SLC7A6OS: variants seen among roughly 807,000 people sequenced by gnomAD.
The protein encoded by SLC7A6OS is probable RNA polymerase II nuclear localization protein SLC7A6OS.
SLC7A6OS carries 22 observed loss-of-function variants against 34.3 expected under a neutral mutation model. That is an observed-to-expected ratio of 0.64 (90% CI 0.46 to 0.92). SLC7A6OS has a LOEUF of 0.92. Ranked by LOEUF, SLC7A6OS falls within the 40% of genes least tolerant of loss-of-function variation. The pLI, the probability that SLC7A6OS is intolerant of heterozygous loss-of-function variation, is 0.00. For synonymous variants in SLC7A6OS, 199 were observed against 165.0 expected (o/e 1.21, Z -1.58); for missense variants, 434 against 407.7 (o/e 1.06, Z -0.56).
chr16:68,304,270 C>T, intron 2 of SLC7A6OS, 38 bp from the exon 3 acceptor site: 3 of 1,567,684 alleles, frequency 1.9e-6, no homozygotes, highest in Non-Finnish European at 2.6e-6. Flanking sequence ...CACGCATGAC[C>T]CAAAACATGA....
At position 68,303,360 on chromosome 16, in the gene SLC7A6OS, C is replaced by T. The variant is rs117561539; in HGVS notation, c.678+666G>A. ...GGAGGCCAAGGTGGATCACTTGAGC[C>T]CAGGAGTTCAAGACCATAAGACCAG... is the stretch of plus-strand genomic sequence containing the variant. On this transcript the variant is annotated intron_variant, in intron 3 of 4. Transcript: ENST00000263997. Among the ~76,000 whole-genome samples, 8 of 151,690 alleles carry T rather than the reference C, an allele frequency of 5.3e-5. No homozygotes were observed. The East Asian group carries it at 1.4e-3, about 26-fold the overall frequency.
At chr16:68,304,298 C>A (rs1472283086) in intron 2 of SLC7A6OS, 66 bp from the exon 3 acceptor site, 1 of 1,451,956 alleles carries the variant, frequency 6.9e-7, no homozygotes, top group Non-Finnish European at 9.7e-7. Flanking sequence ...AGAGGAGGAA[C>A]CTATGAGTTG....
Position 68,300,925 on chromosome 16 carries a change from T to C in SLC7A6OS, c.*350A>G. ...CAGCAGAAGCTTACTGCTAATGAAATGGGAACCTCCCCCTCCCTTGTGGTT... is the reference window on the plus strand; with the variant it reads ...CAGCAGAAGCTTACTGCTAATGAAACGGGAACCTCCCCCTCCCTTGTGGTT... On this transcript the variant is annotated 3_prime_UTR_variant, in exon 5 of 5. Coordinates refer to ENST00000263997, the MANE Select transcript of SLC7A6OS (RefSeq NM_032178.3). 1.0e-6 allele frequency: 1 copy of C among 1,002,222 alleles called. No individual in the cohort carries two copies. The highest frequency in any genetic ancestry group is 1.2e-6 in the Non-Finnish European group (1 of 840,956). 62.1% of individuals were successfully genotyped at this position (1,002,222 alleles called of 1,614,324 possible).
chr16:68,301,026 C>T lies in SLC7A6OS; in HGVS notation c.*249G>A, dbSNP rs995650177. The T allele has an allele frequency of 5.2e-6, 6 of 1,151,800 alleles. No homozygotes were observed. The highest frequency in any genetic ancestry group is 3.5e-4 in the Middle Eastern group (1 of 2,848). The allele number at this position is 1,151,800 out of a possible 1,614,324, so 71.3% of individuals were successfully genotyped here. ...GCTAAAGAAACCTTCCTTTTTTCAACGTTTTTTTTTCTTTCAAACTGTAGG... is the reference window on the plus strand; with the variant it reads ...GCTAAAGAAACCTTCCTTTTTTCAATGTTTTTTTTTCTTTCAAACTGTAGG... On this transcript the variant is annotated 3_prime_UTR_variant, in exon 5 of 5. Transcript: ENST00000263997.
intron 2 of SLC7A6OS, among the ~76,000 whole-genome samples, chr16:68,308,087 A>G (rs1192477824): frequency 1.3e-5 from 2 of 151,982 alleles, no homozygotes; most frequent in Non-Finnish European, 2.9e-5. Context: ...TTTTTAGTAG[A>G]AATGGGGTTT....
chr16:68,304,823 G>A (rs1300298438), intron 2 of SLC7A6OS, among the ~76,000 whole-genome samples: 2 of 152,148 alleles, frequency 1.3e-5, no homozygotes, highest in African/African-American at 2.4e-5. Flanking sequence ...AGCCAAGGTG[G>A]ACAGCTTGCT....
In SLC7A6OS at chr16:68,298,538, G is replaced by A. The variant is rs1382201967; in HGVS notation, c.*2737C>T. 1 of 152,324 alleles carries A rather than the reference G, an allele frequency of 6.6e-6. No homozygotes were observed. The highest frequency in any genetic ancestry group is 2.4e-5 in the African/African-American group (1 of 41,468). 9.4% of individuals were successfully genotyped at this position (152,324 alleles called of 1,614,324 possible). On this transcript the variant is annotated 3_prime_UTR_variant, in exon 5 of 5. Coordinates refer to ENST00000263997, the MANE Select transcript of SLC7A6OS (RefSeq NM_032178.3). ...CCTTGGTGTGGGTCACCGGGACAGT[G>A]TACTCCTCTCCTGCCAGCCTCCCCT... is the stretch of plus-strand genomic sequence containing the variant.
intron 2 of SLC7A6OS, among the ~76,000 whole-genome samples, chr16:68,309,158 G>A (rs1326217850): frequency 6.6e-6 from 1 of 151,334 alleles, no homozygotes; most frequent in African/African-American, 2.4e-5. Context: ...GCAGTGACTT[G>A]ATCACAGCTC....
chr16:68,310,174 T>C (rs577172303), intron 2 of SLC7A6OS, among the ~76,000 whole-genome samples, 161 bp downstream of exon 2: 2 of 152,180 alleles, frequency 1.3e-5, no homozygotes, highest in Non-Finnish European at 2.9e-5. Context: ...CGTAGGCACG[T>C]AGTAAACACA....
chr16:68,302,606 C>T, intron 3 of SLC7A6OS, 105 bp from the exon 4 acceptor site: 1 of 1,426,032 alleles, frequency 7.0e-7, no homozygotes, highest in Non-Finnish European at 9.7e-7. Context: ...GTAAAAGTGC[C>T]CTGTGAAAAA....
Position 68,299,073 on chromosome 16 carries a change from CT to C in SLC7A6OS, c.*2201del, listed in dbSNP as rs1438591465. The stretch of plus-strand genomic sequence containing the variant: ...TGTGAAGCATGGGGTGACATTCCTA[CT>C]GTCATGGGTTTGGGATTTGTAACGG... On this transcript the variant is annotated 3_prime_UTR_variant, in exon 5 of 5. Coordinates refer to ENST00000263997, the MANE Select transcript of SLC7A6OS (RefSeq NM_032178.3). 6.6e-6 allele frequency: 1 copy of C among 152,638 alleles called. No individual in the cohort carries two copies. Among genetic ancestry groups the C allele is most frequent in the Non-Finnish European group, 1.5e-5 (1 of 68,052 alleles). 9.5% of individuals were successfully genotyped at this position (152,638 alleles called of 1,614,324 possible). A position where few individuals can be genotyped will look rare whatever the true frequency, so the allele number is the denominator to read the frequency against.
intron 2 of SLC7A6OS, among the ~76,000 whole-genome samples, chr16:68,304,467 C>T (rs141383080): frequency 0.06 from 9,190 of 152,084 alleles, 361 homozygotes; most frequent in Middle Eastern, 0.14. Context: ...ACTACAGGTG[C>T]GTGCCACCAT....
At chr16:68,308,926 C>T (rs1186213092) in intron 2 of SLC7A6OS, among the ~76,000 whole-genome samples, 1 of 151,840 alleles carries the variant, frequency 6.6e-6, no homozygotes, top group Non-Finnish European at 1.5e-5. Flanking sequence ...GTGGCTCACG[C>T]TTGTAATCCC....
rs1161627721 is a variant in SLC7A6OS at position 68,302,512 on chromosome 16, C to CA, written c.679-12dup. 1.2e-6 allele frequency: 2 copies of CA among 1,614,120 alleles called. No homozygotes were observed. Among genetic ancestry groups the CA allele is most frequent in the South Asian group, 2.2e-5 (2 of 91,078 alleles). ...TTGATCATCATTCACCTACACATCTCAACACAAACATGAGTCCAAGTCAAA... is the reference window on the plus strand; with the variant it reads ...TTGATCATCATTCACCTACACATCTCAAACACAAACATGAGTCCAAGTCAAA... On this transcript the variant is annotated splice_polypyrimidine_tract_variant and intron_variant, in intron 3 of 4. Coordinates refer to ENST00000263997, the MANE Select transcript of SLC7A6OS (RefSeq NM_032178.3).
rs1166423101 is a variant in SLC7A6OS, at chr16:68,301,128, G to A, written c.*147C>T. 5.7e-6 allele frequency: 8 copies of A among 1,415,606 alleles called. No homozygotes were observed. The highest frequency in any genetic ancestry group is 2.5e-5 in the Admixed American group (1 of 39,530). The allele number at this position is 1,415,606 out of a possible 1,614,324, so 87.7% of individuals were successfully genotyped here. A position where few individuals can be genotyped will look rare whatever the true frequency, so the allele number is the denominator to read the frequency against. ...TCCCCTAACATAAGTTTTCACTGTG[G>A]TGGGATGGTGCCGCCCGATATGCTT... On this transcript the variant is annotated 3_prime_UTR_variant, in exon 5 of 5. Transcript: ENST00000263997.
chr16:68,310,879 A>C lies in SLC7A6OS; in HGVS notation c.48T>G (p.Ser16Arg), dbSNP rs947172815. ...GCACAAGAGCCTCCGCCGGCTCCGC[A>C]CTGCGCTTCCGCTTCACCCGGAGTA... ...TAVLRVKRKRSAEPAEALVLA... is the reference protein window; with the variant it reads ...TAVLRVKRKRRAEPAEALVLA... The change falls in exon 1 of 5, where the codon AGT becomes AGG. Residue 16 changes from serine (S) to arginine (R), a missense_variant. By Grantham distance (110) the Ser-to-Arg change is moderately radical (BLOSUM62 -1). Transcript: ENST00000263997. 1 of 1,607,728 alleles carries C rather than the reference A, an allele frequency of 6.2e-7. No homozygotes were observed. The highest frequency in any genetic ancestry group is 1.7e-4 in the Middle Eastern group (1 of 6,054).
chr16:68,308,933 T>G (rs2043346366), intron 2 of SLC7A6OS, among the ~76,000 whole-genome samples: 1 of 151,570 alleles, frequency 6.6e-6, no homozygotes, highest in African/African-American at 2.4e-5. Context: ...ACGCTTGTAA[T>G]CCCAGCTATT....
At position 68,310,742 on chromosome 16, in the gene SLC7A6OS, C is replaced by A. The variant is rs1220592521; in HGVS notation, c.185G>T (p.Cys62Phe). The A allele has an allele frequency of 2.5e-6, 4 of 1,607,062 alleles. No homozygotes were observed. Among genetic ancestry groups the A allele is most frequent in the Non-Finnish European group, 3.4e-6 (4 of 1,175,240 alleles). The part of the protein sequence containing the change: ...NNVFHLVATV[C>F]SQEEPVQPLL... ...CTGCACCACGCCCAATACCTGGGAG[C>A]ACACAGTGGCCACCAAGTGGAAGAC... is the stretch of plus-strand genomic sequence containing the variant. The change falls in exon 1 of 5, where the codon TGC (cysteine) becomes TTC (phenylalanine). Residue 62 changes from cysteine to phenylalanine, a missense_variant. Coordinates refer to ENST00000263997, the MANE Select transcript of SLC7A6OS (RefSeq NM_032178.3).
At chr16:68,308,612 G>A (rs2043343881) in intron 2 of SLC7A6OS, among the ~76,000 whole-genome samples, 1 of 152,062 alleles carries the variant, frequency 6.6e-6, no homozygotes, top group Non-Finnish European at 1.5e-5. Flanking sequence ...GGGCGACAAG[G>A]GCGAGACTCC....
Sources: allele counts gnomAD v4.1 joint callset (sites outside exome capture counted in the v4.1 genomes callset), GRCh38; gene constraint gnomAD v4.1.1; transcripts MANE v1.5; gene names NCBI Gene and HGNC (gene_info 2026-07-23, HGNC 2026-07-21).